Variants in CCDC181 observed in about 807,000 individuals in gnomAD.
The protein encoded by CCDC181 is coiled-coil domain containing 181, also known as coiled-coil domain-containing protein 181.
In CCDC181, 35 loss-of-function variants were observed where a neutral mutation model predicts 58.7. The observed-to-expected ratio is 0.60, with a 90% CI of 0.46 to 0.79. CCDC181 has a LOEUF of 0.79. Ranked by LOEUF, CCDC181 falls within the 30% of genes least tolerant of loss-of-function variation. The pLI, the probability that CCDC181 is intolerant of heterozygous loss-of-function variation, is 0.00. For synonymous variants in CCDC181, 183 were observed against 197.5 expected (o/e 0.93, Z 0.62); for missense variants, 517 against 583.9 (o/e 0.89, Z 1.18).
chr1:169,425,996 C>T (rs1433695397), intron 1 of CCDC181, among the ~76,000 whole-genome samples: 1 of 151,696 alleles, frequency 6.6e-6, no homozygotes, highest in South Asian at 2.1e-4. Context: ...AATAAAAGCA[C>T]AGTAATTAAA....
intron 3 of CCDC181, among the ~76,000 whole-genome samples, chr1:169,420,689 T>C (rs1049655424): frequency 3.3e-5 from 5 of 152,152 alleles, no homozygotes; most frequent in Non-Finnish European, 5.9e-5. Flanking sequence ...TACCATTAGG[T>C]TTCCAGTAAA....
intron 4 of CCDC181, among the ~76,000 whole-genome samples, chr1:169,416,223 G>T (rs1191972364): frequency 6.6e-6 from 1 of 152,142 alleles, no homozygotes; most frequent in Non-Finnish European, 1.5e-5. Context: ...CCCTTTGCTG[G>T]GGGTAGGGGG....
chr1:169,403,962 A>C (rs1655506203), intron 4 of CCDC181, among the ~76,000 whole-genome samples: 2 of 152,248 alleles, frequency 1.3e-5, no homozygotes, highest in South Asian at 4.1e-4. Flanking sequence ...AGATGCAATA[A>C]AAATTGATAA....
rs1656636259 is a variant in CCDC181, at chr1:169,424,671, A to C, written c.117+140T>G. On this transcript the variant is annotated intron_variant, in intron 2 of 5. Transcript: ENST00000367806. ...TCTACGCCTCATTTTTCTTATCTTT[A>C]AGATGAGGATAATAGTAATTTGCCC... 3 of 503,316 alleles carry C rather than the reference A, an allele frequency of 6.0e-6. No individual in the cohort carries two copies. In the South Asian group the frequency reaches 1.1e-4, roughly 19 times the overall value. The allele number at this position is 503,316 out of a possible 1,614,324, so 31.2% of individuals were successfully genotyped here. A position where few individuals can be genotyped will look rare whatever the true frequency, so the allele number is the denominator to read the frequency against.
At chr1:169,418,896 T>C (rs1656331667) in intron 4 of CCDC181, 117 bp downstream of exon 4, 3 of 770,490 alleles carry the variant, frequency 3.9e-6, no homozygotes, top group Non-Finnish European at 4.2e-6. Flanking sequence ...AGGGTAGTTC[T>C]TGAACAACTT....
intron 5 of CCDC181, among the ~76,000 whole-genome samples, chr1:169,396,883 C>A (rs1050061038): frequency 3.3e-5 from 5 of 152,036 alleles, no homozygotes; most frequent in African/African-American, 1.2e-4. Flanking sequence ...TTTCTGAGGG[C>A]TATGTAGGAG....
chr1:169,407,051 G>T lies in CCDC181; in HGVS notation c.1216-9660C>A, dbSNP rs1395154882. Among the ~76,000 whole-genome samples the T allele has an allele frequency of 2.8e-5, 3 of 105,802 alleles. No individual in the cohort carries two copies. In the Admixed American group the frequency reaches 3.2e-4, roughly 11 times the overall value. 69.4% of individuals were successfully genotyped at this position (105,802 alleles called of 152,430 possible). A position where few individuals can be genotyped will look rare whatever the true frequency, so the allele number is the denominator to read the frequency against. ...TCCAGAAGGAGAGGAGAAAAAAGAT[G>T]AGGCAGAAAAAAAAAAAAAAAAAGC... On this transcript the variant is annotated intron_variant, in intron 4 of 5. Coordinates refer to ENST00000367806, the MANE Select transcript of CCDC181 (RefSeq NM_001300969.2).
intron 4 of CCDC181, among the ~76,000 whole-genome samples, chr1:169,414,398 A>G (rs540850859): frequency 6.6e-6 from 1 of 152,334 alleles, no homozygotes; most frequent in East Asian, 1.9e-4. Flanking sequence ...TTTCTAAGTA[A>G]TTCATAGGAA....
At chr1:169,398,734 C>T (rs1453979498) in intron 4 of CCDC181, among the ~76,000 whole-genome samples, 1 of 152,172 alleles carries the variant, frequency 6.6e-6, no homozygotes, top group Non-Finnish European at 1.5e-5. Context: ...AGTGCAAATA[C>T]AGAAAATTTC....
Position 169,425,010 on chromosome 1 carries a change from T to C in CCDC181, c.-23-60A>G, listed in dbSNP as rs958419034. On this transcript the variant is annotated intron_variant, in intron 1 of 5. Coordinates refer to ENST00000367806, the MANE Select transcript of CCDC181 (RefSeq NM_001300969.2). ...CCCACTCTAGAGGAGGAATGGAGTATGGAGATTAATGCTGTAGGTAAGCTA... is the reference window on the plus strand; with the variant it reads ...CCCACTCTAGAGGAGGAATGGAGTACGGAGATTAATGCTGTAGGTAAGCTA... 10 of 685,698 alleles carry C rather than the reference T, an allele frequency of 1.5e-5. No homozygotes were observed. The African/African-American group carries it at 1.8e-4, about 12-fold the overall frequency. The allele number at this position is 685,698 out of a possible 1,614,324, so 42.5% of individuals were successfully genotyped here.
Position 169,440,931 on chromosome 1 carries a change from T to TAAAAAAAAAA in CCDC181, c.-23-15991_-23-15982dup, listed in dbSNP as rs72040890. ...GCCCAGGCAACAGAGCAAGACTGTC[T>TAAAAAAAAAA]AAAAAAAAAAAAAAGGCAAGATGAG... is the stretch of plus-strand genomic sequence containing the variant. On this transcript the variant is annotated intron_variant, in intron 2 of 6. Transcript: ENST00000545005. Among the ~76,000 whole-genome samples, 12 of 76,890 alleles carry TAAAAAAAAAA rather than the reference T, an allele frequency of 1.6e-4. 2 individuals carry two copies. Among genetic ancestry groups the TAAAAAAAAAA allele is most frequent in the African/African-American group, 2.6e-4 (5 of 18,872 alleles). 50.4% of individuals were successfully genotyped at this position (76,890 alleles called of 152,430 possible).
chr1:169,410,881 A>C (rs2102066893), intron 4 of CCDC181, among the ~76,000 whole-genome samples: 1 of 152,364 alleles, frequency 6.6e-6, no homozygotes, highest in African/African-American at 2.4e-5. Flanking sequence ...TCTAGGATAC[A>C]GCTAAAGCAG....
chr1:169,438,200 CT>C (rs35686282), intron 2 of CCDC181, among the ~76,000 whole-genome samples: 80,744 of 150,752 alleles, frequency 0.54, 22,378 homozygotes, highest in Non-Finnish European at 0.6. Flanking sequence ...CTCACAAATC[CT>C]TTTTTTTTTA....
In CCDC181 at chr1:169,407,735, C is replaced by T. The variant is rs571015081; in HGVS notation, c.1216-10344G>A. On this transcript the variant is annotated intron_variant, in intron 4 of 5. Coordinates refer to ENST00000367806, the MANE Select transcript of CCDC181 (RefSeq NM_001300969.2). ...GCGTTTGTAACTGAGGCACTCGGCT[C>T]ATCTCACTAGGACTGGTTAGACAGT... Among the ~76,000 whole-genome samples the T allele has an allele frequency of 7.4e-4, 112 of 152,302 alleles. 1 individual carries two copies. The highest frequency in any genetic ancestry group is 2.5e-3 in the African/African-American group (104 of 41,560).
In CCDC181 at chr1:169,405,809, C is replaced by A. The variant is rs191459603; in HGVS notation, c.1216-8418G>T. On this transcript the variant is annotated intron_variant, in intron 4 of 5. Coordinates refer to ENST00000367806, the MANE Select transcript of CCDC181 (RefSeq NM_001300969.2). Reference sequence around the variant, plus strand: ...AAAAGCCAAAATTGACAAATGGGATCTAATTAAAATAAAGAGCTTCTGCAC... The same window carrying A: ...AAAAGCCAAAATTGACAAATGGGATATAATTAAAATAAAGAGCTTCTGCAC... Among the ~76,000 whole-genome samples the A allele has an allele frequency of 5.3e-5, 8 of 152,238 alleles. No homozygotes were observed. In the East Asian group the frequency reaches 1.5e-3, roughly 29 times the overall value.
chr1:169,425,316 C>T (rs777692721), intron 1 of CCDC181, among the ~76,000 whole-genome samples: 3 of 152,066 alleles, frequency 2.0e-5, no homozygotes, highest in Non-Finnish European at 4.4e-5. Context: ...TTTGGCCAGA[C>T]TAAGTTATTA....
intron 4 of CCDC181, among the ~76,000 whole-genome samples, chr1:169,408,462 G>A (rs1655793442): frequency 1.3e-5 from 2 of 152,230 alleles, no homozygotes; most frequent in South Asian, 4.1e-4. Flanking sequence ...GGTGGCTGCG[G>A]GCACAGCTTC....
intron 2 of CCDC181, among the ~76,000 whole-genome samples, chr1:169,434,801 C>T (rs1054553846): frequency 2.0e-5 from 3 of 151,986 alleles, no homozygotes; most frequent in Non-Finnish European, 2.9e-5. Context: ...AAACATAATA[C>T]TGGAAGTCCT....
At chr1:169,410,924 CA>C (rs1655929888) in intron 4 of CCDC181, among the ~76,000 whole-genome samples, 1 of 152,076 alleles carries the variant, frequency 6.6e-6, no homozygotes, top group Non-Finnish European at 1.5e-5. Context: ...ACTAAATGCC[CA>C]CAGGAGAAAG....
Sources: allele counts gnomAD v4.1 joint callset (sites outside exome capture counted in the v4.1 genomes callset), GRCh38; gene constraint gnomAD v4.1.1; transcripts MANE v1.5; gene names NCBI Gene and HGNC (gene_info 2026-07-23, HGNC 2026-07-21).